Variants in MPC2 observed in about 807,000 individuals in gnomAD.
MPC2 encodes mitochondrial pyruvate carrier 2.
MPC2 carries 19 observed loss-of-function variants against 19.2 expected under a neutral mutation model. The observed-to-expected ratio is 0.99, with a 90% CI of 0.69 to 1.45. The LOEUF is 1.45. Ranked by LOEUF, MPC2 falls within the 40% of genes most tolerant of loss-of-function variation. MPC2 has a pLI of 0.00. For synonymous variants in MPC2, 61 were observed against 54.3 expected, an observed-to-expected ratio of 1.12 and a Z score of -0.54; for missense variants, 122 against 153.0, an observed-to-expected ratio of 0.80 and a Z score of 1.07.
chr1:167,936,688 T>C, intron 1 of MPC2: 2 of 511,418 alleles, frequency 3.9e-6, no homozygotes, highest in Non-Finnish European at 7.0e-6. Context: ...TCTTTGGATG[T>C]TCTGGTTAGT....
chr1:167,934,094 C>T (rs1670990374), intron 2 of MPC2, among the ~76,000 whole-genome samples: 1 of 152,148 alleles, frequency 6.6e-6, no homozygotes, highest in African/African-American at 2.4e-5. Context: ...GTTAAAATAA[C>T]TGAACGAATC....
intron 2 of MPC2, among the ~76,000 whole-genome samples, chr1:167,932,736 G>A (rs556812343): frequency 1.3e-5 from 2 of 148,680 alleles, no homozygotes; most frequent in African/African-American, 5.0e-5. Context: ...TTGAACCCAG[G>A]AGGCCAAGGT....
At chr1:167,921,290 T>C (rs893614635) in intron 3 of MPC2, among the ~76,000 whole-genome samples, 2 of 152,052 alleles carry the variant, frequency 1.3e-5, no homozygotes, top group African/African-American at 4.8e-5. Context: ...TGGTGCGATC[T>C]AGGCTCACTG....
chr1:167,935,556 G>C (rs1039190380), intron 2 of MPC2, among the ~76,000 whole-genome samples, 177 bp downstream of exon 2: 1 of 152,212 alleles, frequency 6.6e-6, no homozygotes, highest in Non-Finnish European at 1.5e-5. Flanking sequence ...CTTAGGAAGA[G>C]ATGTTGCAGG....
At chr1:167,920,735 A>G in intron 3 of MPC2, 104 bp from the exon 4 acceptor site, 4 of 1,156,766 alleles carry the variant, frequency 3.5e-6, no homozygotes, top group Non-Finnish European at 4.8e-6. Flanking sequence ...GTAAGTTAGC[A>G]GCTATAATTT....
chr1:167,936,711 G>T (rs1671275027), intron 1 of MPC2: 2 of 583,944 alleles, frequency 3.4e-6, no homozygotes. Context: ...AAGAAGGAGA[G>T]TATGAGGCGA....
At position 167,916,717 on chromosome 1, in the gene MPC2, G is replaced by C. The variant is rs988705819; in HGVS notation, c.*1606C>G. On this transcript the variant is annotated 3_prime_UTR_variant, in exon 6 of 6. Transcript: ENST00000271373. ...GAAGAGGTTTTAATGAAAAGGAAGT[G>C]AAACACCAAGCTCACATAAATTTTT... 1 of 152,128 alleles carries C rather than the reference G, an allele frequency of 6.6e-6. No individual in the cohort carries two copies. Among genetic ancestry groups the C allele is most frequent in the African/African-American group, 2.4e-5 (1 of 41,398 alleles). 9.4% of individuals were successfully genotyped at this position (152,128 alleles called of 1,614,324 possible). A position where few individuals can be genotyped will look rare whatever the true frequency, so the allele number is the denominator to read the frequency against.
In MPC2 at chr1:167,924,159, T is replaced by C. The variant is rs142208885; in HGVS notation, c.150+338A>G. 4.0e-3 allele frequency among the ~76,000 whole-genome samples: 615 copies of C among 152,264 alleles called. 3 individuals are homozygous for C. The highest frequency in any genetic ancestry group is 7.4e-3 in the Non-Finnish European group (501 of 67,994). ...TAGTACCTTCAGTTCTCATACTAAA[T>C]TAATAATAAAAGTTAACTTGGGGGT... On this transcript the variant is annotated intron_variant, in intron 3 of 5. Coordinates refer to ENST00000271373, the MANE Select transcript of MPC2 (RefSeq NM_001143674.4).
At position 167,935,819 on chromosome 1, in the gene MPC2, C is replaced by G; in HGVS notation, c.23G>C (p.Gly8Ala). 6.4e-7 allele frequency: 1 copy of G among 1,553,848 alleles called. No individual in the cohort carries two copies. Residue 8 changes from glycine to alanine, a missense_variant, in exon 2 of 6, where the codon GGC (glycine) becomes GCC (alanine). By Grantham distance (60) the Gly-to-Ala change is moderately conservative. Transcript: ENST00000271373. The stretch of plus-strand genomic sequence containing the variant: ...GAGCCGGTGGTAGGTGGCCCGCAGG[C>G]CTCGGGCACCGGCGGCCGACATCGC... The part of the protein sequence containing the change: MSAAGAR[G>A]LRATYHRLLD...
chr1:167,921,688 T>C (rs1236120926), intron 3 of MPC2, among the ~76,000 whole-genome samples: 1 of 152,230 alleles, frequency 6.6e-6, no homozygotes, highest in African/African-American at 2.4e-5. Flanking sequence ...CCAGTTTTAC[T>C]TGTTAATGTA....
At chr1:167,926,184 T>C (rs554389544) in intron 2 of MPC2, among the ~76,000 whole-genome samples, 1 of 152,350 alleles carries the variant, frequency 6.6e-6, no homozygotes, top group African/African-American at 2.4e-5. Flanking sequence ...ACGTTCGAAT[T>C]TTCCGTATTT....
chr1:167,933,456 C>A (rs1000331734), intron 2 of MPC2, among the ~76,000 whole-genome samples: 1 of 152,094 alleles, frequency 6.6e-6, no homozygotes, highest in African/African-American at 2.4e-5. Context: ...TGTGAGCCAC[C>A]GTGCCTGGCT....
intron 2 of MPC2, among the ~76,000 whole-genome samples, chr1:167,932,449 C>T (rs903261017): frequency 2.0e-5 from 3 of 152,128 alleles, no homozygotes. Context: ...CATTTTGGAA[C>T]TCACAAATAC....
At chr1:167,926,067 C>T (rs1345908854) in intron 2 of MPC2, among the ~76,000 whole-genome samples, 2 of 152,188 alleles carry the variant, frequency 1.3e-5, no homozygotes, top group African/African-American at 2.4e-5. Flanking sequence ...AAGAAGATCA[C>T]GGCACAAACC....
intron 3 of MPC2, among the ~76,000 whole-genome samples, chr1:167,921,140 GTGTGATGC>G (rs1450880382): frequency 1.3e-5 from 2 of 152,016 alleles, no homozygotes; most frequent in African/African-American, 4.8e-5. Context: ...TGGGTATATT[GTGTGATGC>G]TGAGGTTTGG....
At chr1:167,924,341 T>C in intron 3 of MPC2, 156 bp downstream of exon 3, 1 of 542,848 alleles carries the variant, frequency 1.8e-6, no homozygotes. Flanking sequence ...TTGCTTTATG[T>C]AGAAAACGAT....
intron 2 of MPC2, among the ~76,000 whole-genome samples, chr1:167,931,598 T>C (rs1421747361): frequency 6.6e-6 from 1 of 152,054 alleles, no homozygotes; most frequent in African/African-American, 2.4e-5. Flanking sequence ...ATTAAGATTC[T>C]TCACTGACAA....
intron 2 of MPC2, among the ~76,000 whole-genome samples, chr1:167,925,107 C>T (rs936971252): frequency 3.9e-5 from 6 of 152,062 alleles, no homozygotes; most frequent in Admixed American, 3.3e-4. Flanking sequence ...TTCTGTCTTC[C>T]ACAATTTAAC....
At chr1:167,933,213 G>C (rs375926857) in intron 2 of MPC2, among the ~76,000 whole-genome samples, 2 of 150,746 alleles carry the variant, frequency 1.3e-5, no homozygotes, top group Non-Finnish European at 2.9e-5. Flanking sequence ...CTGTTGCCAG[G>C]CTGGAGTGCA....
Sources: gnomAD v4.1 joint callset for allele counts (sites outside exome capture counted in the v4.1 genomes callset) on GRCh38, gnomAD v4.1.1 for gene constraint, MANE v1.5 for transcripts, NCBI Gene and HGNC (gene_info 2026-07-23, HGNC 2026-07-21) for gene names.